Variants in THOC5 observed in about 807,000 individuals in gnomAD.
THOC5 encodes Fms-interacting protein.
In THOC5, 43 loss-of-function variants were observed where a neutral mutation model predicts 92.9. The ratio of observed to expected loss-of-function variants is 0.46; its 90% CI spans 0.36 to 0.60. The LOEUF (loss-of-function observed/expected upper bound fraction) is 0.60. THOC5 is among the 20% of genes least tolerant of loss of function. THOC5 has a pLI of 0.00. For missense variants in THOC5, 659 were observed against 849.4 expected (o/e 0.78, Z 2.79); for synonymous variants, 296 against 320.1 (o/e 0.92, Z 0.80).
Position 29,542,791 on chromosome 22 carries a change from T to C in THOC5, c.452+68A>G, listed in dbSNP as rs1393773836. 6.7e-6 allele frequency: 7 copies of C among 1,042,742 alleles called. No homozygotes were observed. In the African/African-American group the frequency reaches 1.1e-4, roughly 17 times the overall value. 64.6% of individuals were successfully genotyped at this position (1,042,742 alleles called of 1,614,324 possible). On this transcript the variant is annotated intron_variant, in intron 5 of 19. Transcript: ENST00000490103. ...AAAAAAAAAAGAAACAGACTTACAG[T>C]GAGCTACATGGGAAAAAGCAGTTAC...
At chr22:29,536,528 T>C in intron 7 of THOC5, 96 bp downstream of exon 7, 1 of 732,702 alleles carries the variant, frequency 1.4e-6, no homozygotes, top group Non-Finnish European at 2.5e-6. Flanking sequence ...ATACTCTAAT[T>C]TAGGGTAATA....
chr22:29,518,882 G>T, intron 15 of THOC5, 124 bp downstream of exon 15: 2 of 740,266 alleles, frequency 2.7e-6, no homozygotes, highest in African/African-American at 1.8e-5. Flanking sequence ...TGCCCACTCC[G>T]TAAAGCCAGG....
chr22:29,528,224 C>G (rs757188037), intron 10 of THOC5, 47 bp from the exon 11 acceptor site: 3 of 1,614,044 alleles, frequency 1.9e-6, no homozygotes, highest in Non-Finnish European at 2.5e-6. Context: ...TCATAGCAAT[C>G]TCCCCTTCCC....
At position 29,536,706 on chromosome 22, in the gene THOC5, T is replaced by G; in HGVS notation, c.632A>C (p.Asn211Thr). 6.2e-7 allele frequency: 1 copy of G among 1,613,146 alleles called. No individual in the cohort carries two copies. The highest frequency in any genetic ancestry group is 2.2e-5 in the East Asian group (1 of 44,864). The change falls in exon 7 of 20, where the codon AAC becomes ACC. Residue 211 changes from asparagine (N) to threonine (T), a missense_variant. Transcript: ENST00000490103. ...LAEKYRECLS[N>T]KEKILKEIEV... ...AATCTCCTTGAGAATCTTCTCCTTG[T>G]TAGATAGGCACTCTCGGTACTTCTC...
intron 6 of THOC5, among the ~76,000 whole-genome samples, chr22:29,537,425 G>A (rs933330962): frequency 7.2e-5 from 11 of 152,212 alleles, no homozygotes; most frequent in African/African-American, 2.2e-4. Flanking sequence ...CGGATCACCT[G>A]AGGTCAAGAG....
intron 7 of THOC5, 109 bp downstream of exon 7, chr22:29,536,515 A>G: frequency 1.5e-6 from 1 of 684,466 alleles, no homozygotes; most frequent in Non-Finnish European, 2.7e-6. Flanking sequence ...CCATCCTTAT[A>G]CTATACTCTA....
At chr22:29,511,883 A>C in intron 18 of THOC5, 138 bp downstream of exon 18, 1 of 742,210 alleles carries the variant, frequency 1.3e-6, no homozygotes, top group Non-Finnish European at 2.3e-6. Context: ...AGCTCCAGCA[A>C]ATTCTGCAAA....
At chr22:29,535,042 T>G (rs1299223909) in intron 7 of THOC5, 1 of 148,910 alleles carries the variant, frequency 6.7e-6, no homozygotes, top group African/African-American at 2.5e-5. Flanking sequence ...GGCAGGCAGA[T>G]CACCTGAGGT....
At chr22:29,517,517 G>A (rs2063357168) in intron 15 of THOC5, 151 bp from the exon 16 acceptor site, 2 of 663,908 alleles carry the variant, frequency 3.0e-6, no homozygotes, top group Admixed American at 2.7e-5. Flanking sequence ...AGGTCAACAC[G>A]TGCCAGGAAT....
rs188617925 is a variant in THOC5, at chr22:29,528,129, C to A, written c.1015G>T (p.Glu339Ter). ...GACAGTGGGTGCCTCTTCAGCATCTCCTTGCGTTTGTCGTCCAACTGAACC... is the reference window on the plus strand; with the variant it reads ...GACAGTGGGTGCCTCTTCAGCATCTACTTGCGTTTGTCGTCCAACTGAACC... ...LGVQLDDKRKEMLKRHPLSVM... is the reference protein window; with the variant it reads ...LGVQLDDKRK The change falls in exon 11 of 20, where the codon GAG becomes TAG. Residue 339 changes from glutamate (E) to a stop codon, truncating the protein, a stop_gained. Coordinates refer to ENST00000490103, the MANE Select transcript of THOC5 (RefSeq NM_003678.5). LOFTEE classifies it high-confidence loss of function. 1.9e-6 allele frequency: 3 copies of A among 1,614,180 alleles called. No individual in the cohort carries two copies. Among genetic ancestry groups the A allele is most frequent in the Non-Finnish European group, 2.5e-6 (3 of 1,180,036 alleles).
chr22:29,552,175 T>C (rs1222349986), intron 1 of THOC5, among the ~76,000 whole-genome samples: 3 of 152,086 alleles, frequency 2.0e-5, no homozygotes, highest in Admixed American at 2.0e-4. Flanking sequence ...CCTCCCAAAG[T>C]GCCAAGATTG....
At chr22:29,535,874 G>A (rs540800993) in intron 7 of THOC5, 5 of 152,112 alleles carry the variant, frequency 3.3e-5, no homozygotes, top group African/African-American at 1.2e-4. Context: ...GGGGTCTCCC[G>A]ATATTGCCCA....
chr22:29,511,742 C>A (rs977264345), intron 18 of THOC5, among the ~76,000 whole-genome samples: 1 of 152,204 alleles, frequency 6.6e-6, no homozygotes, highest in African/African-American at 2.4e-5. Flanking sequence ...AGAGCTTATT[C>A]ACATTTTTTA....
At chr22:29,531,481 C>G (rs1034991613) in intron 8 of THOC5, 18 of 1,041,084 alleles carry the variant, frequency 1.7e-5, no homozygotes, top group African/African-American at 1.5e-4. Context: ...CAGGCACCCC[C>G]ACCCTGAAGC....
Position 29,531,279 on chromosome 22 carries a change from G to A in THOC5, c.847+552C>T, listed in dbSNP as rs941252687. 53 of 985,232 alleles carry A rather than the reference G, an allele frequency of 5.4e-5. No individual in the cohort carries two copies. The South Asian group carries it at 5.6e-4, about 10-fold the overall frequency. The allele number at this position is 985,232 out of a possible 1,614,324, so 61.0% of individuals were successfully genotyped here. On this transcript the variant is annotated intron_variant, in intron 8 of 19. Coordinates refer to ENST00000490103, the MANE Select transcript of THOC5 (RefSeq NM_003678.5). Reference sequence around the variant, plus strand: ...GGGGTGGGGTGGGGGAGAAAATGTAGGTGCTGGGTGAAAGCTGCATTAGGG... The same window carrying A: ...GGGGTGGGGTGGGGGAGAAAATGTAAGTGCTGGGTGAAAGCTGCATTAGGG...
intron 1 of THOC5, among the ~76,000 whole-genome samples, chr22:29,551,986 T>C (rs960372915): frequency 6.6e-6 from 1 of 152,162 alleles, no homozygotes; most frequent in Non-Finnish European, 1.5e-5. Flanking sequence ...GGGGTTTCGC[T>C]GTGTTGGCCA....
intron 1 of THOC5, among the ~76,000 whole-genome samples, chr22:29,553,137 A>G (rs1412312735): frequency 6.6e-6 from 1 of 152,194 alleles, no homozygotes. Context: ...GGAAAACCAG[A>G]GACCTTTGTT....
Position 29,544,621 on chromosome 22 carries a change from A to G in THOC5, c.97-18T>C, listed in dbSNP as rs2063976138. ...TTACCTTCCTGTAGAGGTAAGGATA[A>G]AGGCTCTGTGTGCATGGGGTAAAAG... On this transcript the variant is annotated intron_variant, in intron 2 of 19. Coordinates refer to ENST00000490103, the MANE Select transcript of THOC5 (RefSeq NM_003678.5). The G allele has an allele frequency of 2.5e-6, 4 of 1,588,264 alleles. No homozygotes were observed. The highest frequency in any genetic ancestry group is 3.4e-6 in the Non-Finnish European group (4 of 1,164,432).
intron 11 of THOC5, among the ~76,000 whole-genome samples, chr22:29,526,379 A>C (rs1310852569): frequency 5.9e-5 from 9 of 152,002 alleles, no homozygotes; most frequent in Non-Finnish European, 1.5e-5. Context: ...AAAAATACAA[A>C]AAATCAGTCG....
Sources: allele counts gnomAD v4.1 joint callset (sites outside exome capture counted in the v4.1 genomes callset), GRCh38; gene constraint gnomAD v4.1.1; transcripts MANE v1.5; gene names NCBI Gene and HGNC (gene_info 2026-07-23, HGNC 2026-07-21).